ADGRB3: variants seen among roughly 807,000 people sequenced by gnomAD.
ADGRB3 encodes the protein brain-specific angiogenesis inhibitor 3.
ADGRB3 carries 37 observed loss-of-function variants against 193.4 expected under a neutral mutation model. The ratio of observed to expected loss-of-function variants is 0.19; its 90% CI spans 0.15 to 0.25. The LOEUF is 0.25. ADGRB3 is among the 10% of genes least tolerant of loss of function. The probability of loss-of-function intolerance (pLI) is 1.00; values close to 1 mark genes in which losing one functional copy is unlikely to be tolerated. For missense variants in ADGRB3, 1,637 were observed against 1,852.9 expected (o/e 0.88, Z 2.14); for synonymous variants, 690 against 644.2 (o/e 1.07, Z -1.08).
At chr6:69,386,880 G>T (rs1161537379) in intron 31 of ADGRB3, among the ~76,000 whole-genome samples, 1 of 151,936 alleles carries the variant, frequency 6.6e-6, no homozygotes, top group South Asian at 2.1e-4. Flanking sequence ...ACTTTTCCTG[G>T]ATGATAGATA....
At chr6:68,934,280 C>A (rs1767427036) in intron 4 of ADGRB3, among the ~76,000 whole-genome samples, 1 of 152,126 alleles carries the variant, frequency 6.6e-6, no homozygotes, top group Non-Finnish European at 1.5e-5. Context: ...AGTGACAAGA[C>A]CAATTCTGAG....
Position 69,233,272 on chromosome 6 carries a change from C to A in ADGRB3, c.2481-18C>A, listed in dbSNP as rs191364564. 216 of 1,612,210 alleles carry A rather than the reference C, an allele frequency of 1.3e-4. 1 individual carries two copies. The African/African-American group carries it at 2.6e-3, about 20-fold the overall frequency. On this transcript the variant is annotated intron_variant, in intron 17 of 31. Transcript: ENST00000370598. ...GCGTATTTATCCCGATTTCCTCCCC[C>A]CTCACTCCCCTTTGCAGGAACGAGT...
chr6:68,716,098 G>A (rs1481527060), intron 3 of ADGRB3, among the ~76,000 whole-genome samples: 1 of 151,652 alleles, frequency 6.6e-6, no homozygotes, highest in Non-Finnish European at 1.5e-5. Context: ...AGTTATTCAA[G>A]GTTATACAAA....
intron 13 of ADGRB3, among the ~76,000 whole-genome samples, chr6:69,040,378 C>CTTTCA (rs1562133289): frequency 4.7e-5 from 1 of 21,358 alleles, no homozygotes. Context: ...TCTTTCTTTC[C>CTTTCA]TTCTCTCTCT....
intron 13 of ADGRB3, among the ~76,000 whole-genome samples, chr6:69,044,204 G>A (rs1771170352): frequency 6.6e-6 from 1 of 152,074 alleles, no homozygotes; most frequent in Non-Finnish European, 1.5e-5. Flanking sequence ...TTATATTTTG[G>A]TCTTTGTCCA....
chr6:69,118,070 G>A (rs1773583494), intron 17 of ADGRB3, among the ~76,000 whole-genome samples: 1 of 152,144 alleles, frequency 6.6e-6, no homozygotes, highest in Admixed American at 6.5e-5. Context: ...AGCTGCTCTA[G>A]AAATAGTCAT....
At chr6:69,144,911 C>CTTTCTTTCTTTCT (rs1161311803) in intron 17 of ADGRB3, among the ~76,000 whole-genome samples, 1 of 150,842 alleles carries the variant, frequency 6.6e-6, no homozygotes, top group Non-Finnish European at 1.5e-5. Context: ...TTCTTTCTTT[C>CTTTCTTTCTTTCT]TTTCTTTTTC....
At chr6:69,323,478 T>C (rs149703092) in intron 20 of ADGRB3, among the ~76,000 whole-genome samples, 113 of 152,160 alleles carry the variant, frequency 7.4e-4, no homozygotes, top group Middle Eastern at 3.4e-3. Context: ...GACTAGAGTA[T>C]AGGTATGAGG....
intron 10 of ADGRB3, among the ~76,000 whole-genome samples, chr6:68,984,488 T>A (rs887655603): frequency 2.0e-5 from 3 of 152,126 alleles, no homozygotes; most frequent in Admixed American, 1.3e-4. Flanking sequence ...TTGGAAGTCA[T>A]CAACACAAAG....
chr6:68,930,868 T>G (rs1489189736), intron 4 of ADGRB3, among the ~76,000 whole-genome samples, 199 bp downstream of exon 4: 2 of 152,108 alleles, frequency 1.3e-5, no homozygotes, highest in Admixed American at 1.3e-4. Context: ...AGAATTATTT[T>G]GCTTTCAGTA....
intron 24 of ADGRB3, among the ~76,000 whole-genome samples, chr6:69,337,886 A>G (rs1328834939): frequency 1.3e-5 from 2 of 152,200 alleles, no homozygotes; most frequent in Non-Finnish European, 2.9e-5. Context: ...CAACTCCGCT[A>G]TAAGATTCTT....
chr6:69,249,726 A>G (rs1766580532), intron 20 of ADGRB3, among the ~76,000 whole-genome samples: 1 of 152,202 alleles, frequency 6.6e-6, no homozygotes, highest in Non-Finnish European at 1.5e-5. Flanking sequence ...TGCTATGGCA[A>G]ATCTTGGAAC....
At chr6:68,753,840 G>T (rs896972286) in intron 3 of ADGRB3, among the ~76,000 whole-genome samples, 1 of 152,174 alleles carries the variant, frequency 6.6e-6, no homozygotes, top group Non-Finnish European at 1.5e-5. Context: ...TGAGGTCCTG[G>T]AAGAATACCC....
intron 11 of ADGRB3, among the ~76,000 whole-genome samples, chr6:68,999,162 A>G (rs534997850): frequency 6.6e-6 from 1 of 152,268 alleles, no homozygotes; most frequent in African/African-American, 2.4e-5. Flanking sequence ...CTAGTAGAAC[A>G]TATTTCAAAA....
chr6:69,014,917 A>T (rs1278982726), intron 12 of ADGRB3, among the ~76,000 whole-genome samples: 1 of 151,918 alleles, frequency 6.6e-6, no homozygotes, highest in Non-Finnish European at 1.5e-5. Context: ...TTCAGGAGTA[A>T]AGCATGCCTT....
chr6:69,301,603 T>C (rs938725831), intron 20 of ADGRB3, among the ~76,000 whole-genome samples: 3 of 151,972 alleles, frequency 2.0e-5, no homozygotes, highest in Non-Finnish European at 4.4e-5. Context: ...CCACTAGTGA[T>C]GCTAGGAGAA....
intron 10 of ADGRB3, 133 bp downstream of exon 10, chr6:68,975,473 A>G (rs1768716704): frequency 3.0e-6 from 2 of 657,716 alleles, no homozygotes; most frequent in African/African-American, 1.8e-5. Flanking sequence ...GGAGAAAGCA[A>G]TGTGATAGAA....
chr6:68,691,725 G>C (rs1765079056), intron 3 of ADGRB3, among the ~76,000 whole-genome samples: 1 of 151,676 alleles, frequency 6.6e-6, no homozygotes. Flanking sequence ...TCAGTACCTA[G>C]CTACAATAGG....
chr6:68,731,295 AT>A (rs1369822917), intron 3 of ADGRB3, among the ~76,000 whole-genome samples: 1 of 151,344 alleles, frequency 6.6e-6, no homozygotes, highest in Admixed American at 6.6e-5. Context: ...TATTGTAAAC[AT>A]TTTTTTTCCA....
Sources: allele counts gnomAD v4.1 joint callset (sites outside exome capture counted in the v4.1 genomes callset), GRCh38; gene constraint gnomAD v4.1.1; transcripts MANE v1.5; gene names NCBI Gene and HGNC (gene_info 2026-07-23, HGNC 2026-07-21).